MAD1L1: variants seen among roughly 807,000 people sequenced by gnomAD.
MAD1L1 encodes the protein mitotic spindle assembly checkpoint protein MAD1.
Under a neutral mutation model 96.9 loss-of-function variants are expected in MAD1L1, and 95 were observed. The observed-to-expected ratio is 0.98, with a 90% confidence interval of 0.83 to 1.16. MAD1L1 has a LOEUF of 1.16. Among genes scored for constraint, MAD1L1 ranks in the 50% most tolerant of loss-of-function variants. MAD1L1 has a pLI of 0.00. For synonymous variants in MAD1L1, 473 were observed against 396.6 expected, an observed-to-expected ratio of 1.19 and a Z score of -2.29; for missense variants, 1,007 against 954.4, an observed-to-expected ratio of 1.06 and a Z score of -0.73.
intron 10 of MAD1L1, among the ~76,000 whole-genome samples, chr7:2,189,361 T>C (rs1791609777): frequency 6.6e-6 from 1 of 152,226 alleles, no homozygotes; most frequent in African/African-American, 2.4e-5. Context: ...AGCAGCATTA[T>C]TCACAGTAGC....
intron 11 of MAD1L1, among the ~76,000 whole-genome samples, chr7:2,086,550 T>C (rs1785928844): frequency 6.6e-6 from 1 of 152,104 alleles, no homozygotes; most frequent in African/African-American, 2.4e-5. Context: ...CAATTGCTCT[T>C]TTTCTTTTTT....
At chr7:1,944,899 C>A (rs552090348) in intron 16 of MAD1L1, among the ~76,000 whole-genome samples, 34 of 152,350 alleles carry the variant, frequency 2.2e-4, no homozygotes, top group Non-Finnish European at 4.1e-4. Flanking sequence ...GAGTCAGCAG[C>A]TGACAGGCAG....
At chr7:1,858,004 G>A (rs531345423) in intron 18 of MAD1L1, among the ~76,000 whole-genome samples, 1 of 152,214 alleles carries the variant, frequency 6.6e-6, no homozygotes, top group African/African-American at 2.4e-5. Flanking sequence ...CACAGAGCCC[G>A]AACTTTCCTC....
At chr7:2,124,882 C>G (rs1056084764) in intron 11 of MAD1L1, among the ~76,000 whole-genome samples, 1 of 152,178 alleles carries the variant, frequency 6.6e-6, no homozygotes, top group Non-Finnish European at 1.5e-5. Flanking sequence ...GTGATGCCAG[C>G]GGGCCTCCCT....
chr7:2,083,021 G>A (rs867578436), intron 11 of MAD1L1, among the ~76,000 whole-genome samples: 24 of 152,204 alleles, frequency 1.6e-4, no homozygotes, highest in Non-Finnish European at 7.3e-5. Flanking sequence ...AATCAGGAAC[G>A]GGTGGCACAG....
chr7:2,121,787 G>A (rs936672284), intron 11 of MAD1L1, among the ~76,000 whole-genome samples: 4 of 151,924 alleles, frequency 2.6e-5, no homozygotes, highest in African/African-American at 9.7e-5. Flanking sequence ...AGGCCTGTGA[G>A]GTCTGTCTCA....
At chr7:2,154,609 T>C (rs568293218) in intron 10 of MAD1L1, among the ~76,000 whole-genome samples, 2 of 152,206 alleles carry the variant, frequency 1.3e-5, no homozygotes, top group East Asian at 3.9e-4. Flanking sequence ...CATAAATATG[T>C]AAAATATTAT....
intron 11 of MAD1L1, among the ~76,000 whole-genome samples, chr7:2,074,024 G>A (rs1358490055): frequency 6.6e-6 from 1 of 152,190 alleles, no homozygotes; most frequent in Non-Finnish European, 1.5e-5. Context: ...GTGACAAGGA[G>A]ACGACACTGT....
intron 11 of MAD1L1, among the ~76,000 whole-genome samples, chr7:2,081,313 T>G (rs897973076): frequency 6.6e-6 from 1 of 152,096 alleles, no homozygotes; most frequent in Non-Finnish European, 1.5e-5. Flanking sequence ...ATCTGGATCA[T>G]AGGTTCTAGC....
At chr7:2,170,425 G>C (rs1461553007) in intron 10 of MAD1L1, among the ~76,000 whole-genome samples, 2 of 152,250 alleles carry the variant, frequency 1.3e-5, no homozygotes, top group East Asian at 3.9e-4. Flanking sequence ...GGCAGAGGGA[G>C]TGGGAGAAAG....
chr7:2,120,831 C>T (rs1347092158), intron 11 of MAD1L1, among the ~76,000 whole-genome samples: 2 of 152,194 alleles, frequency 1.3e-5, no homozygotes, highest in Non-Finnish European at 2.9e-5. Context: ...TCAGGAGCTG[C>T]TTCCGTTTCC....
intron 18 of MAD1L1, among the ~76,000 whole-genome samples, chr7:1,868,288 T>C (rs1056139129): frequency 1.1e-4 from 17 of 152,210 alleles, no homozygotes; most frequent in African/African-American, 3.9e-4. Flanking sequence ...TTTTAAGGAA[T>C]TGGCTCTGAG....
chr7:2,133,330 G>A (rs908587323), intron 11 of MAD1L1, among the ~76,000 whole-genome samples: 22 of 149,676 alleles, frequency 1.5e-4, no homozygotes, highest in South Asian at 8.7e-4. Flanking sequence ...GTGCTTCTCC[G>A]TCACCCGCGT....
chr7:2,134,599 G>A (rs927526046), intron 11 of MAD1L1, among the ~76,000 whole-genome samples: 2 of 152,204 alleles, frequency 1.3e-5, no homozygotes, highest in Non-Finnish European at 2.9e-5. Flanking sequence ...GACGGAAATA[G>A]TTGACAAGTA....
At chr7:2,127,475 A>G (rs1413061160) in intron 11 of MAD1L1, among the ~76,000 whole-genome samples, 1 of 152,180 alleles carries the variant, frequency 6.6e-6, no homozygotes, top group Non-Finnish European at 1.5e-5. Flanking sequence ...GTGCTGTGCC[A>G]CGGAGGAGCA....
At chr7:2,190,876 G>A (rs1791686806) in intron 10 of MAD1L1, among the ~76,000 whole-genome samples, 1 of 152,152 alleles carries the variant, frequency 6.6e-6, no homozygotes, top group East Asian at 1.9e-4. Context: ...TCACACACGG[G>A]TGGCCAGGGG....
intron 16 of MAD1L1, among the ~76,000 whole-genome samples, chr7:1,938,461 C>G (rs1001895781): frequency 3.3e-5 from 5 of 152,130 alleles, no homozygotes; most frequent in African/African-American, 1.2e-4. Context: ...GAACTTCATC[C>G]ACTGAAACAG....
intron 7 of MAD1L1, 74 bp downstream of exon 7, chr7:2,217,888 G>A (rs1276546521): frequency 3.1e-6 from 4 of 1,310,696 alleles, no homozygotes; most frequent in Middle Eastern, 2.2e-4. Flanking sequence ...CACCAGCGCA[G>A]AAAGGCCGAC....
At chr7:1,997,894 C>T (rs753177485) in intron 14 of MAD1L1, among the ~76,000 whole-genome samples, 5 of 152,302 alleles carry the variant, frequency 3.3e-5, no homozygotes, top group Middle Eastern at 6.8e-3. Context: ...GGGAGCCCTG[C>T]GGCTCCAAAC....
Sources: gnomAD v4.1 joint callset for allele counts (sites outside exome capture counted in the v4.1 genomes callset) on GRCh38, gnomAD v4.1.1 for gene constraint, MANE v1.5 for transcripts, NCBI Gene and HGNC (gene_info 2026-07-23, HGNC 2026-07-21) for gene names.